Variants in POFUT3 observed in about 807,000 individuals in gnomAD.
The protein encoded by POFUT3 is protein O-fucosyltransferase 3.
At chr8:33,347,127 A>G in the POFUT3 span, among the ~76,000 whole-genome samples, 1 of 152,156 alleles carries the variant, frequency 6.6e-6, no homozygotes, top group African/African-American at 2.4e-5. Context: ...CATCCGCACA[A>G]AAACAAGAGA....
chr8:33,341,712 G>C, the POFUT3 span, among the ~76,000 whole-genome samples: 1 of 151,902 alleles, frequency 6.6e-6, no homozygotes, highest in African/African-American at 2.4e-5. Flanking sequence ...ACAGAAGCAA[G>C]GAAATAATAA....
the POFUT3 span, among the ~76,000 whole-genome samples, chr8:33,351,328 C>T: frequency 6.6e-6 from 1 of 152,048 alleles, no homozygotes; most frequent in Non-Finnish European, 1.5e-5. Flanking sequence ...CCCTCCAAAC[C>T]TTATGTTGAA....
At chr8:33,310,512 C>G in the POFUT3 span, among the ~76,000 whole-genome samples, 2 of 151,806 alleles carry the variant, frequency 1.3e-5, no homozygotes, top group Admixed American at 6.6e-5. Flanking sequence ...GAGTTTGAGA[C>G]CAGCTATGGC....
At chr8:33,437,793 G>C in the POFUT3 span, among the ~76,000 whole-genome samples, 1 of 151,988 alleles carries the variant, frequency 6.6e-6, no homozygotes, top group Non-Finnish European at 1.5e-5. Flanking sequence ...CTAGGTGACA[G>C]AGTGAGACTC....
chr8:33,401,544 T>C, the POFUT3 span, among the ~76,000 whole-genome samples: 1 of 152,188 alleles, frequency 6.6e-6, no homozygotes, highest in Non-Finnish European at 1.5e-5. Context: ...TCTTTTCACA[T>C]ACGTGAAAAC....
the POFUT3 span, chr8:33,453,396 C>T: frequency 6.2e-7 from 1 of 1,614,160 alleles, no homozygotes; most frequent in Non-Finnish European, 8.5e-7. Context: ...GTCAATCCTT[C>T]TTTCTTAAGA....
the POFUT3 span, among the ~76,000 whole-genome samples, chr8:33,429,406 G>C: frequency 2.6e-5 from 4 of 152,176 alleles, no homozygotes; most frequent in Admixed American, 2.6e-4. Flanking sequence ...TGTGCATAAA[G>C]ACAGAAGTTG....
At chr8:33,460,923 C>A in the POFUT3 span, among the ~76,000 whole-genome samples, 4 of 152,114 alleles carry the variant, frequency 2.6e-5, no homozygotes, top group Admixed American at 6.5e-5. Flanking sequence ...AAGGCCAAGG[C>A]AGGCAGATCA....
chr8:33,472,541 T>C, the POFUT3 span, among the ~76,000 whole-genome samples: 2 of 152,216 alleles, frequency 1.3e-5, no homozygotes, highest in East Asian at 3.8e-4. Flanking sequence ...CTCCATTAAA[T>C]ACGCCGTATT....
chr8:33,319,443 A>AT, the POFUT3 span, among the ~76,000 whole-genome samples: 5 of 44,854 alleles, frequency 1.1e-4, no homozygotes, highest in African/African-American at 8.9e-4. Context: ...TTTTTTATAT[A>AT]TTTATATAAT....
the POFUT3 span, among the ~76,000 whole-genome samples, chr8:33,349,743 T>C: frequency 6.6e-6 from 1 of 152,210 alleles, no homozygotes; most frequent in African/African-American, 2.4e-5. Context: ...GCCATAAACA[T>C]GCATGTACAA....
chr8:33,379,573 C>T, the POFUT3 span, among the ~76,000 whole-genome samples: 11 of 152,018 alleles, frequency 7.2e-5, no homozygotes, highest in African/African-American at 2.7e-4. Context: ...CGCAGTGGCT[C>T]ACGCCTGTAA....
the POFUT3 span, among the ~76,000 whole-genome samples, chr8:33,384,383 T>C: frequency 6.6e-6 from 1 of 152,172 alleles, no homozygotes; most frequent in African/African-American, 2.4e-5. Flanking sequence ...GTCTCTAGTC[T>C]CCCAGTGACA....
At chr8:33,410,241 C>A in the POFUT3 span, among the ~76,000 whole-genome samples, 8 of 152,156 alleles carry the variant, frequency 5.3e-5, no homozygotes, top group Admixed American at 5.2e-4. Context: ...AAAGAGATGT[C>A]CTTTGATGCA....
the POFUT3 span, among the ~76,000 whole-genome samples, chr8:33,380,310 G>A: frequency 7.4e-6 from 1 of 134,884 alleles, no homozygotes; most frequent in African/African-American, 2.9e-5. Flanking sequence ...TCAGCAGGGA[G>A]ATGTAATATA....
the POFUT3 span, among the ~76,000 whole-genome samples, chr8:33,330,957 C>A: frequency 6.6e-6 from 1 of 152,120 alleles, no homozygotes; most frequent in African/African-American, 2.4e-5. Flanking sequence ...TTAATCCCAG[C>A]GCCCAGCATG....
the POFUT3 span, among the ~76,000 whole-genome samples, chr8:33,394,433 C>T: frequency 6.6e-6 from 1 of 152,066 alleles, no homozygotes; most frequent in Non-Finnish European, 1.5e-5. Flanking sequence ...CGAAGTCTTA[C>T]CCCTCTTTAC....
At chr8:33,445,021 C>T in the POFUT3 span, among the ~76,000 whole-genome samples, 4 of 148,698 alleles carry the variant, frequency 2.7e-5, no homozygotes, top group Admixed American at 2.1e-4. Flanking sequence ...GCAACCTCCA[C>T]CTCCCAGGCT....
At chr8:33,417,329 A>T in the POFUT3 span, among the ~76,000 whole-genome samples, 1 of 152,184 alleles carries the variant, frequency 6.6e-6, no homozygotes, top group Non-Finnish European at 1.5e-5. Context: ...ATTATATATT[A>T]CAATGTAATA....
Sources: gnomAD v4.1 joint callset for allele counts (sites outside exome capture counted in the v4.1 genomes callset) on GRCh38, gnomAD v4.1.1 for gene constraint, MANE v1.5 for transcripts, NCBI Gene and HGNC (gene_info 2026-07-23, HGNC 2026-07-21) for gene names.